PRKCB: variants seen among roughly 807,000 people sequenced by gnomAD.
PRKCB encodes the protein protein kinase C beta, also known as protein kinase C beta type.
A neutral mutation model predicts 81.5 loss-of-function variants in PRKCB; 13 were observed. The observed-to-expected ratio is 0.16, with a 90% CI of 0.10 to 0.25. The LOEUF (loss-of-function observed/expected upper bound fraction) is 0.25, where lower values mean the gene tolerates loss of function less well. PRKCB is among the 10% of genes least tolerant of loss of function. The probability of loss-of-function intolerance (pLI) is 1.00; values close to 1 mark genes in which losing one functional copy is unlikely to be tolerated. For missense variants in PRKCB, 509 were observed against 875.7 expected (o/e 0.58, Z 5.29); for synonymous variants, 335 against 321.4 (o/e 1.04, Z -0.45).
At chr16:24,137,075 G>A (rs1473408002) in intron 9 of PRKCB, among the ~76,000 whole-genome samples, 1 of 148,312 alleles carries the variant, frequency 6.7e-6, no homozygotes, top group South Asian at 2.1e-4. Flanking sequence ...TTTTAGTAGA[G>A]ACGGGGTTTC....
intron 5 of PRKCB, among the ~76,000 whole-genome samples, chr16:24,037,179 G>A (rs1287488728): frequency 2.0e-5 from 3 of 152,116 alleles, no homozygotes; most frequent in Non-Finnish European, 4.4e-5. Flanking sequence ...AGTAGAGACA[G>A]GGTTTCACCA....
intron 2 of PRKCB, among the ~76,000 whole-genome samples, chr16:23,948,722 C>T (rs1297603853): frequency 6.6e-6 from 1 of 152,180 alleles, no homozygotes. Flanking sequence ...TGAATTCTCA[C>T]AGTAACCTAG....
At chr16:23,933,426 C>T (rs561811322) in intron 2 of PRKCB, among the ~76,000 whole-genome samples, 107 of 152,240 alleles carry the variant, frequency 7.0e-4, no homozygotes, top group Admixed American at 2.5e-3. Context: ...GTTGGCTCTT[C>T]TGTTAATTCA....
intron 10 of PRKCB, among the ~76,000 whole-genome samples, chr16:24,170,664 A>G (rs1967428524): frequency 6.6e-6 from 1 of 152,242 alleles, no homozygotes; most frequent in Non-Finnish European, 1.5e-5. Context: ...ATTTAATTCC[A>G]GCAACATCAC....
At chr16:24,109,295 C>T (rs199648867) in intron 7 of PRKCB, among the ~76,000 whole-genome samples, 18 of 42,858 alleles carry the variant, frequency 4.2e-4, no homozygotes, top group East Asian at 1.5e-3. Flanking sequence ...CTGACCCCCC[C>T]ACCTCCCTCC....
At chr16:23,845,757 C>G (rs139441198) in intron 2 of PRKCB, among the ~76,000 whole-genome samples, 13 of 152,326 alleles carry the variant, frequency 8.5e-5, no homozygotes, top group African/African-American at 1.2e-4. Flanking sequence ...GAGATGGCTT[C>G]TTTCCCAGTT....
chr16:23,984,814 A>T (rs1489313600), intron 2 of PRKCB, among the ~76,000 whole-genome samples: 1 of 152,096 alleles, frequency 6.6e-6, no homozygotes, highest in African/African-American at 2.4e-5. Flanking sequence ...AAGTGTAGAG[A>T]GGGAGAGGGA....
intron 5 of PRKCB, among the ~76,000 whole-genome samples, chr16:24,086,279 G>A (rs977954361): frequency 1.3e-5 from 2 of 152,158 alleles, no homozygotes; most frequent in African/African-American, 4.8e-5. Flanking sequence ...GGCAGGGCAG[G>A]GGGGTTCAAG....
intron 10 of PRKCB, among the ~76,000 whole-genome samples, chr16:24,170,854 A>G (rs1296903069): frequency 6.6e-6 from 1 of 152,232 alleles, no homozygotes; most frequent in Non-Finnish European, 1.5e-5. Flanking sequence ...GCTATCAGAA[A>G]CAGGGCTTAC....
chr16:24,191,851 A>G (rs546557830), intron 16 of PRKCB, among the ~76,000 whole-genome samples: 1 of 152,258 alleles, frequency 6.6e-6, no homozygotes, highest in Non-Finnish European at 1.5e-5. Context: ...AAACTCTCAC[A>G]TTTCCCACAG....
intron 2 of PRKCB, among the ~76,000 whole-genome samples, chr16:23,928,332 T>A (rs1295703061): frequency 6.6e-6 from 1 of 152,068 alleles, no homozygotes; most frequent in Non-Finnish European, 1.5e-5. Flanking sequence ...TTCACCATGT[T>A]GGCCAGGCTG....
chr16:24,159,239 A>G (rs1967216906), intron 10 of PRKCB, among the ~76,000 whole-genome samples: 1 of 152,210 alleles, frequency 6.6e-6, no homozygotes, highest in African/African-American at 2.4e-5. Context: ...GAAAGGGATT[A>G]TCTACTCTCC....
chr16:24,007,821 G>A (rs1007755646), intron 3 of PRKCB, among the ~76,000 whole-genome samples: 11 of 152,130 alleles, frequency 7.2e-5, no homozygotes, highest in African/African-American at 1.2e-4. Context: ...AAATCAAAAG[G>A]CAGATGGCCT....
intron 2 of PRKCB, among the ~76,000 whole-genome samples, chr16:23,886,406 G>GTTTTTTTGTTTTTTTTTTGTTTT (rs1963201713): frequency 1.4e-5 from 1 of 70,222 alleles, no homozygotes; most frequent in African/African-American, 6.4e-5. Flanking sequence ...TGTGTTAGGT[G>GTTTTTTTGTTTTTTTTTTGTTTT]TTTTTTTTTT....
intron 9 of PRKCB, among the ~76,000 whole-genome samples, chr16:24,133,701 T>C (rs1252872905): frequency 6.6e-6 from 1 of 152,184 alleles, no homozygotes; most frequent in Admixed American, 6.5e-5. Flanking sequence ...TATATCATAT[T>C]AATTCACACC....
intron 8 of PRKCB, among the ~76,000 whole-genome samples, chr16:24,123,247 G>A (rs991958914): frequency 5.3e-5 from 8 of 152,206 alleles, no homozygotes; most frequent in Non-Finnish European, 8.8e-5. Flanking sequence ...TTGTACCACA[G>A]TAGCAGCAGC....
chr16:24,027,429 G>A (rs1402006017), intron 3 of PRKCB, among the ~76,000 whole-genome samples: 1 of 152,176 alleles, frequency 6.6e-6, no homozygotes, highest in Non-Finnish European at 1.5e-5. Context: ...TGGTTAAGCT[G>A]CCAAAAGGGA....
intron 9 of PRKCB, among the ~76,000 whole-genome samples, chr16:24,129,158 T>A (rs1966849341): frequency 2.0e-5 from 3 of 152,206 alleles, no homozygotes; most frequent in Non-Finnish European, 2.9e-5. Flanking sequence ...ATTTCATATG[T>A]GCTCATGGTA....
chr16:23,990,047 A>G (rs1293409748), intron 3 of PRKCB, among the ~76,000 whole-genome samples: 2 of 152,202 alleles, frequency 1.3e-5, no homozygotes, highest in Non-Finnish European at 2.9e-5. Context: ...CACATTGCCG[A>G]CATCCTGAGC....
Sources: gnomAD v4.1 joint callset for allele counts (sites outside exome capture counted in the v4.1 genomes callset) on GRCh38, gnomAD v4.1.1 for gene constraint, MANE v1.5 for transcripts, NCBI Gene and HGNC (gene_info 2026-07-23, HGNC 2026-07-21) for gene names.